Variants in LRRK1 observed in about 807,000 individuals in gnomAD.
LRRK1 encodes leucine rich repeat kinase 1.
Under a neutral mutation model 209.1 loss-of-function variants are expected in LRRK1, and 113 were observed. The observed-to-expected ratio is 0.54, with a 90% CI of 0.46 to 0.63. The LOEUF (loss-of-function observed/expected upper bound fraction) is 0.63, where lower values mean the gene tolerates loss of function less well. LRRK1 is among the 30% of genes least tolerant of loss of function. The probability of loss-of-function intolerance (pLI) is 0.00; values close to 1 mark genes in which losing one functional copy is unlikely to be tolerated. For synonymous variants in LRRK1, 1,144 were observed against 1,099.7 expected (o/e 1.04, Z -0.80); for missense variants, 2,284 against 2,632.2 (o/e 0.87, Z 2.89).
Position 101,065,514 on chromosome 15 carries a change from G to T in LRRK1, c.5077G>T (p.Val1693Leu). The T allele has an allele frequency of 1.2e-6, 2 of 1,614,228 alleles. No individual in the cohort carries two copies. The highest frequency in any genetic ancestry group is 8.5e-7 in the Non-Finnish European group (1 of 1,180,042). ...DEDARQNPYP[V>L]KAMEVVNSGS... ...AGACGCACGGCAGAACCCCTACCCAGTGAAGGCCATGGAGGTGGTCAACAG... is the reference window on the plus strand; with the variant it reads ...AGACGCACGGCAGAACCCCTACCCATTGAAGGCCATGGAGGTGGTCAACAG... Residue 1693 changes from valine to leucine, a missense_variant, in exon 32 of 34, where the codon GTG becomes TTG. Around this residue, in one of 6 missense-constraint regions of LRRK1, gnomAD observed 643 missense variants for 695.9 expected, o/e 0.92. Transcript: ENST00000388948.
At chr15:100,944,514 C>T (rs184363657) in intron 2 of LRRK1, among the ~76,000 whole-genome samples, 230 of 152,324 alleles carry the variant, frequency 1.5e-3, no homozygotes, top group Non-Finnish European at 2.5e-3. Flanking sequence ...GGAGGCTACA[C>T]TGTAATCACT....
At chr15:100,948,493 T>A (rs1031051013) in intron 2 of LRRK1, among the ~76,000 whole-genome samples, 8 of 152,258 alleles carry the variant, frequency 5.3e-5, no homozygotes, top group Non-Finnish European at 1.0e-4. Context: ...GTTTGTTTCC[T>A]CATATTAACC....
intron 6 of LRRK1, among the ~76,000 whole-genome samples, chr15:100,999,318 A>C (rs2032580461): frequency 6.6e-6 from 1 of 152,246 alleles, no homozygotes; most frequent in South Asian, 2.1e-4. Context: ...AATTTTAGCA[A>C]AGAAAAAGTG....
chr15:101,019,915 G>A (rs532931144), intron 12 of LRRK1, among the ~76,000 whole-genome samples: 21 of 152,234 alleles, frequency 1.4e-4, no homozygotes, highest in African/African-American at 2.9e-4. Context: ...TCTGGTGCCC[G>A]TGGAAACAGC....
intron 21 of LRRK1, among the ~76,000 whole-genome samples, chr15:101,047,729 C>T (rs11247256): frequency 0.36 from 54,401 of 152,184 alleles, 11,250 homozygotes; most frequent in East Asian, 0.65. Flanking sequence ...TGGTAGTCAG[C>T]GCACAGGACA....
At position 101,055,016 on chromosome 15, in the gene LRRK1, C is replaced by G. The variant is rs370648813; in HGVS notation, c.4125C>G (p.Ala1375=). The G allele has an allele frequency of 6.2e-6, 10 of 1,614,038 alleles. No individual in the cohort carries two copies. In the African/African-American group the frequency reaches 1.1e-4, roughly 17 times the overall value. The change falls in exon 27 of 34, where the codon GCC becomes GCG. Residue 1375 remains alanine, a synonymous_variant. Coordinates refer to ENST00000388948, the MANE Select transcript of LRRK1 (RefSeq NM_024652.6). ...KIAYQIASGL[A]YLHKKNIIFC... ...CCTACCAGATCGCCTCGGGCCTGGC[C>G]TACCTGCACAAGAAAAACATCATCT... is the stretch of plus-strand genomic sequence containing the variant.
intron 1 of LRRK1, among the ~76,000 whole-genome samples, chr15:100,923,127 G>C (rs1019102372): frequency 1.3e-5 from 2 of 152,138 alleles, no homozygotes; most frequent in Non-Finnish European, 2.9e-5. Context: ...CTGTGCGCTG[G>C]TACTACAGGT....
chr15:101,003,658 CA>C (rs1184595189), intron 6 of LRRK1, among the ~76,000 whole-genome samples: 1 of 152,042 alleles, frequency 6.6e-6, no homozygotes, highest in Non-Finnish European at 1.5e-5. Context: ...ATCATGAGAA[CA>C]GTATGGGGGA....
intron 3 of LRRK1, among the ~76,000 whole-genome samples, chr15:100,974,963 ATAGT>A (rs769851020): frequency 1.3e-5 from 2 of 152,210 alleles, no homozygotes; most frequent in East Asian, 3.8e-4. Context: ...CATTTAATTG[ATAGT>A]TAGAATTCAT....
At chr15:101,034,488 C>A (rs770060835) in intron 20 of LRRK1, among the ~76,000 whole-genome samples, 3 of 152,110 alleles carry the variant, frequency 2.0e-5, no homozygotes, top group Non-Finnish European at 4.4e-5. Context: ...CCAATTTTCC[C>A]AGCACCATTT....
At chr15:100,923,092 G>A (rs753485246) in intron 1 of LRRK1, among the ~76,000 whole-genome samples, 1 of 152,222 alleles carries the variant, frequency 6.6e-6, no homozygotes, top group Non-Finnish European at 1.5e-5. Flanking sequence ...TAGCAGGGAA[G>A]TGGGAGACCC....
rs534952964 is a variant in LRRK1 at position 100,919,733 on chromosome 15, G to A, written c.-123+282G>A. ...AGCCTGTGGGAGGGGAGCGCGCGGG[G>A]CCCGAGCAGGGAACCCCGAAACCCC... On this transcript the variant is annotated intron_variant, in intron 1 of 33. Transcript: ENST00000388948. This position sits in a 1 kb window ranked among gnomAD's most constrained non-coding sequence, Gnocchi z 5.8. Among the ~76,000 whole-genome samples, 811 of 151,936 alleles carry A rather than the reference G, an allele frequency of 5.3e-3. 9 individuals carry two copies. The highest frequency in any genetic ancestry group is 0.019 in the African/African-American group (769 of 41,486).
In LRRK1 at chr15:101,012,110, C is replaced by T. The variant is rs531721861; in HGVS notation, c.1384C>T (p.Leu462Phe). 5.0e-6 allele frequency: 8 copies of T among 1,612,394 alleles called. No homozygotes were observed. In the South Asian group the frequency reaches 6.6e-5, roughly 13 times the overall value. The change falls in exon 10 of 34, where the codon CTC (leucine) becomes TTC (phenylalanine). Residue 462 changes from leucine (L) to phenylalanine (F), a missense_variant. Coordinates refer to ENST00000388948, the MANE Select transcript of LRRK1 (RefSeq NM_024652.6). ...LKDVDFSENA[L>F]KEVPLGLFQL... is the part of the protein sequence containing the mutation. ...GGATGTGGATTTCTCAGAAAACGCA[C>T]TCAAAGAAGTTCCCCTGGGACTTTT...
Position 101,064,081 on chromosome 15 carries a change from C to T in LRRK1, c.4915-1271C>T, listed in dbSNP as rs74744908. 3.3e-3 allele frequency among the ~76,000 whole-genome samples: 499 copies of T among 152,384 alleles called. 4 individuals are homozygous for T. Among genetic ancestry groups the T allele is most frequent in the African/African-American group, 0.011 (459 of 41,596 alleles). ...AGCGCGAAGCCTGCATTCTTGCACG[C>T]GCACCCACGTTCACACCCAGCCGGG... On this transcript the variant is annotated intron_variant, in intron 31 of 33. Coordinates refer to ENST00000388948, the MANE Select transcript of LRRK1 (RefSeq NM_024652.6).
intron 11 of LRRK1, among the ~76,000 whole-genome samples, chr15:101,014,893 T>C (rs1488978736): frequency 6.6e-6 from 1 of 152,248 alleles, no homozygotes; most frequent in African/African-American, 2.4e-5. Flanking sequence ...TGTCCTCTCA[T>C]TTTTAATTTT....
At position 101,052,922 on chromosome 15, in the gene LRRK1, G is replaced by A; in HGVS notation, c.3690G>A (p.Arg1230=). The change falls in exon 25 of 34, where the codon AGG becomes AGA. Residue 1230 remains arginine (R), a splice_region_variant and synonymous_variant. Transcript: ENST00000388948. ...PELFMTDFPA[R]LFLENSKLEH... ...GGCTGATGCCGGGCGTGTGTGGCAG[G>A]CTCTTCCTGGAGAACAGCAAGCTGG... is the stretch of plus-strand genomic sequence containing the variant. The A allele has an allele frequency of 6.2e-7, 1 of 1,603,610 alleles. No individual in the cohort carries two copies. The highest frequency in any genetic ancestry group is 8.5e-7 in the Non-Finnish European group (1 of 1,172,034).
rs953826655 is a variant in LRRK1, at chr15:101,075,657, C to T, written c.*6809C>T. 1.3e-5 allele frequency: 2 copies of T among 151,422 alleles called. No individual in the cohort carries two copies. Among genetic ancestry groups the T allele is most frequent in the Admixed American group, 1.3e-4 (2 of 15,262 alleles). 9.4% of individuals were successfully genotyped at this position (151,422 alleles called of 1,614,324 possible). ...TTCACTTGTCCTAAAACCAGACAAGCCTTACAAGTTAGTTCAGGATCTGTG... is the reference window on the plus strand; with the variant it reads ...TTCACTTGTCCTAAAACCAGACAAGTCTTACAAGTTAGTTCAGGATCTGTG... On this transcript the variant is annotated 3_prime_UTR_variant, in exon 34 of 34. Coordinates refer to ENST00000388948, the MANE Select transcript of LRRK1 (RefSeq NM_024652.6).
intron 2 of LRRK1, among the ~76,000 whole-genome samples, chr15:100,941,438 GTGTGTGTCTGTGTGTGTCTATGTCTC>G (rs2042427139): frequency 1.2e-5 from 1 of 86,700 alleles, no homozygotes; most frequent in Admixed American, 1.1e-4. Context: ...CTGTGTGTGT[GTGTGTGTCTGTGTGTGTCTATGTCTC>G]TGTGTGTGTG....
Position 101,068,958 on chromosome 15 carries a change from C to A in LRRK1, c.*110C>A. 1 of 1,040,498 alleles carries A rather than the reference C, an allele frequency of 9.6e-7. No individual in the cohort carries two copies. The highest frequency in any genetic ancestry group is 1.8e-5 in the South Asian group (1 of 55,040). The allele number at this position is 1,040,498 out of a possible 1,614,324, so 64.5% of individuals were successfully genotyped here. On this transcript the variant is annotated 3_prime_UTR_variant, in exon 34 of 34. Transcript: ENST00000388948. ...AAGGACCTAGAAGACAGATGGAGTT[C>A]TCCCCTGAACTCCTTGCTGCTAAGA... is the stretch of plus-strand genomic sequence containing the variant.
Sources: gnomAD v4.1 joint callset for allele counts (sites outside exome capture counted in the v4.1 genomes callset) on GRCh38, gnomAD v4.1.1 for gene constraint, gnomAD v4.1.1 regional missense constraint, Gnocchi (gnomAD v3.1) non-coding constraint, MANE v1.5 for transcripts, NCBI Gene and HGNC (gene_info 2026-07-23, HGNC 2026-07-21) for gene names.